ERC2: variants seen among roughly 807,000 people sequenced by gnomAD.
ERC2 encodes the protein ELKS/RAB6-interacting/CAST family member 2.
Under a neutral mutation model 114.8 loss-of-function variants are expected in ERC2, and 42 were observed. The ratio of observed to expected loss-of-function variants is 0.37; its 90% CI spans 0.29 to 0.47. The LOEUF (loss-of-function observed/expected upper bound fraction) is 0.47. Ranked by LOEUF, ERC2 falls within the 20% of genes least tolerant of loss-of-function variation. The pLI is 0.99. For missense variants in ERC2, 939 were observed against 1,150.7 expected (o/e 0.82, Z 2.66); for synonymous variants, 454 against 425.5 (o/e 1.07, Z -0.82).
At chr3:56,109,036 G>A (rs556364214) in intron 6 of ERC2, among the ~76,000 whole-genome samples, 2 of 152,156 alleles carry the variant, frequency 1.3e-5, no homozygotes, top group South Asian at 4.2e-4. Context: ...TTTCATTTTA[G>A]ATTCGAGGAT....
At chr3:55,652,352 A>T (rs765186126) in intron 17 of ERC2, among the ~76,000 whole-genome samples, 1 of 151,674 alleles carries the variant, frequency 6.6e-6, no homozygotes, top group Non-Finnish European at 1.5e-5. Context: ...ATTTTATTTT[A>T]TTTTTTTTCC....
intron 2 of ERC2, among the ~76,000 whole-genome samples, chr3:56,400,251 T>C (rs991039755): frequency 2.1e-4 from 32 of 152,192 alleles, no homozygotes; most frequent in African/African-American, 6.0e-4. Flanking sequence ...GAGCTGGTAG[T>C]TGGGGTTTGG....
chr3:56,248,153 A>G (rs929706629), intron 3 of ERC2, among the ~76,000 whole-genome samples: 1 of 152,130 alleles, frequency 6.6e-6, no homozygotes, highest in African/African-American at 2.4e-5. Context: ...TCAGTGACAC[A>G]ATCATAGTTC....
At chr3:55,814,441 T>G (rs999252783) in intron 14 of ERC2, among the ~76,000 whole-genome samples, 1 of 151,964 alleles carries the variant, frequency 6.6e-6, no homozygotes, top group African/African-American at 2.4e-5. Context: ...CTCGGAAGAG[T>G]TTTTGCTCTG....
intron 13 of ERC2, among the ~76,000 whole-genome samples, chr3:55,909,649 C>T (rs1489784804): frequency 6.6e-6 from 1 of 151,944 alleles, no homozygotes; most frequent in African/African-American, 2.4e-5. Flanking sequence ...CAGCAACTAT[C>T]TTTGGCACGG....
At chr3:56,252,910 A>G (rs1462566908) in intron 3 of ERC2, among the ~76,000 whole-genome samples, 1 of 152,236 alleles carries the variant, frequency 6.6e-6, no homozygotes, top group Non-Finnish European at 1.5e-5. Flanking sequence ...GGAAATAGAT[A>G]GAAAACTTTT....
chr3:55,714,673 A>G (rs75989523), intron 15 of ERC2, among the ~76,000 whole-genome samples: 20 of 6,032 alleles, frequency 3.3e-3, no homozygotes, highest in African/African-American at 0.013. Flanking sequence ...GTGTGTATAT[A>G]TATATATATA....
At chr3:56,347,839 T>A (rs2058367744) in intron 2 of ERC2, among the ~76,000 whole-genome samples, 1 of 152,194 alleles carries the variant, frequency 6.6e-6, no homozygotes, top group South Asian at 2.1e-4. Context: ...CTTTCCATGA[T>A]TCCTTAGTGT....
intron 10 of ERC2, among the ~76,000 whole-genome samples, chr3:56,005,214 T>C (rs1026091668): frequency 6.6e-6 from 1 of 152,120 alleles, no homozygotes; most frequent in African/African-American, 2.4e-5. Context: ...AAATAAGTTA[T>C]CTTTTCATAA....
intron 15 of ERC2, among the ~76,000 whole-genome samples, chr3:55,729,056 G>C (rs2065088987): frequency 1.3e-5 from 2 of 152,194 alleles, no homozygotes; most frequent in Admixed American, 6.5e-5. Flanking sequence ...CCAGTCCATA[G>C]TAGTGATGAG....
At chr3:55,995,978 T>C (rs2071478425) in intron 10 of ERC2, among the ~76,000 whole-genome samples, 1 of 152,220 alleles carries the variant, frequency 6.6e-6, no homozygotes, top group East Asian at 1.9e-4. Flanking sequence ...CATGAGTTCT[T>C]TAATCTGACT....
intron 17 of ERC2, among the ~76,000 whole-genome samples, chr3:55,557,660 T>C (rs891013989): frequency 6.6e-6 from 1 of 152,222 alleles, no homozygotes; most frequent in African/African-American, 2.4e-5. Flanking sequence ...AAAAATCCAT[T>C]TGGGAAAAGA....
intron 15 of ERC2, among the ~76,000 whole-genome samples, chr3:55,720,842 A>G (rs1194784203): frequency 6.6e-6 from 1 of 152,174 alleles, no homozygotes; most frequent in Non-Finnish European, 1.5e-5. Flanking sequence ...AGATAGCCCC[A>G]TCTTTCCACC....
intron 2 of ERC2, among the ~76,000 whole-genome samples, chr3:56,424,974 C>T (rs2061511210): frequency 6.6e-6 from 1 of 152,168 alleles, no homozygotes; most frequent in African/African-American, 2.4e-5. Flanking sequence ...ATATGATTGA[C>T]TTCTTAAGTT....
At chr3:56,248,456 C>T (rs13077676) in intron 3 of ERC2, among the ~76,000 whole-genome samples, 2,241 of 152,240 alleles carry the variant, frequency 0.015, 53 homozygotes, top group Non-Finnish European at 0.014. Flanking sequence ...ATATGCTGCA[C>T]GGTCTTCCTA....
At chr3:56,406,058 A>C (rs9812183) in intron 2 of ERC2, among the ~76,000 whole-genome samples, 45,030 of 151,472 alleles carry the variant, frequency 0.3, 7,088 homozygotes, top group Admixed American at 0.45. Context: ...ATGCTCAGCT[A>C]ATTTTTGTAT....
At chr3:55,600,515 C>T (rs936588588) in intron 17 of ERC2, among the ~76,000 whole-genome samples, 1 of 152,202 alleles carries the variant, frequency 6.6e-6, no homozygotes, top group African/African-American at 2.4e-5. Context: ...TTCTCCCCAC[C>T]ACTCAAGTCC....
chr3:55,538,611 G>C (rs2054159033), intron 17 of ERC2, among the ~76,000 whole-genome samples: 1 of 152,164 alleles, frequency 6.6e-6, no homozygotes, highest in African/African-American at 2.4e-5. Flanking sequence ...AACCACCATG[G>C]AAAAGGGCAT....
At chr3:55,845,871 G>T (rs1413560045) in intron 14 of ERC2, among the ~76,000 whole-genome samples, 3 of 152,216 alleles carry the variant, frequency 2.0e-5, no homozygotes, top group Non-Finnish European at 4.4e-5. Flanking sequence ...AACTGATGAA[G>T]TTCAGACTAA....
Sources: allele counts gnomAD v4.1 joint callset (sites outside exome capture counted in the v4.1 genomes callset), GRCh38; gene constraint gnomAD v4.1.1; transcripts MANE v1.5; gene names NCBI Gene and HGNC (gene_info 2026-07-23, HGNC 2026-07-21).